Variants in KLF12 observed in about 807,000 individuals in gnomAD.
KLF12 encodes Krueppel-like factor 12.
In KLF12, 9 loss-of-function variants were observed where a neutral mutation model predicts 37.8. The ratio of observed to expected loss-of-function variants is 0.24; its 90% CI spans 0.14 to 0.42. The LOEUF is 0.42. KLF12 is among the 10% of genes least tolerant of loss of function. The probability of loss-of-function intolerance (pLI) is 1.00; values close to 1 mark genes in which losing one functional copy is unlikely to be tolerated. For missense variants in KLF12, 411 were observed against 516.0 expected (o/e 0.80, Z 1.97); for synonymous variants, 208 against 202.1 (o/e 1.03, Z -0.25).
intron 1 of KLF12, among the ~76,000 whole-genome samples, chr13:74,015,643 T>A (rs751064659): frequency 4.6e-5 from 7 of 152,140 alleles, no homozygotes; most frequent in Non-Finnish European, 8.8e-5. Flanking sequence ...GGCATAGCAA[T>A]CTCTCCAACA....
the KLF12 span, among the ~76,000 whole-genome samples, chr13:74,227,490 T>G: frequency 6.6e-6 from 1 of 152,188 alleles, no homozygotes; most frequent in Non-Finnish European, 1.5e-5. Flanking sequence ...TCCTCTTTAA[T>G]ATTGTAAAGT....
chr13:74,141,234 T>C, the KLF12 span, among the ~76,000 whole-genome samples: 13 of 152,238 alleles, frequency 8.5e-5, no homozygotes, highest in Non-Finnish European at 1.8e-4. Flanking sequence ...GAAAAGAGAA[T>C]GGGAAACGAT....
At chr13:74,272,738 A>G in the KLF12 span, among the ~76,000 whole-genome samples, 1 of 152,176 alleles carries the variant, frequency 6.6e-6, no homozygotes, top group East Asian at 1.9e-4. Flanking sequence ...ACTTAGAAGA[A>G]GGCTATGTGT....
At chr13:74,039,663 C>CTTCTGGAAATTTATTT in intron 1 of KLF12, among the ~76,000 whole-genome samples, 1 of 152,040 alleles carries the variant, frequency 6.6e-6, no homozygotes, top group East Asian at 1.9e-4. Flanking sequence ...ACAAAATGGA[C>CTTCTGGAAATTTATTT]AGTACTTCTG....
chr13:73,881,847 A>G (rs1383723695), intron 3 of KLF12, among the ~76,000 whole-genome samples: 1 of 152,062 alleles, frequency 6.6e-6, no homozygotes, highest in African/African-American at 2.4e-5. Context: ...CTCTTCCTCA[A>G]TTTTTTACTT....
intron 1 of KLF12, among the ~76,000 whole-genome samples, chr13:74,016,631 G>A (rs1892694296): frequency 6.6e-6 from 1 of 152,152 alleles, no homozygotes; most frequent in Non-Finnish European, 1.5e-5. Flanking sequence ...CCACAGTGCT[G>A]GGATTACAGG....
chr13:73,829,667 G>T (rs908129135), intron 4 of KLF12, among the ~76,000 whole-genome samples: 8 of 151,954 alleles, frequency 5.3e-5, no homozygotes, highest in African/African-American at 1.7e-4. Flanking sequence ...AATATGCAAG[G>T]CCTCTGCAAA....
At chr13:73,947,789 G>T (rs190280659) in intron 2 of KLF12, among the ~76,000 whole-genome samples, 8 of 152,104 alleles carry the variant, frequency 5.3e-5, no homozygotes, top group Admixed American at 4.6e-4. Context: ...CAAGGAAACG[G>T]ACTGATCTTC....
chr13:74,111,640 C>T (rs749492379), intron 1 of KLF12, among the ~76,000 whole-genome samples: 2 of 152,060 alleles, frequency 1.3e-5, no homozygotes, highest in Non-Finnish European at 2.9e-5. Flanking sequence ...TAATCATTCA[C>T]CCTAAAGAAC....
intron 2 of KLF12, among the ~76,000 whole-genome samples, chr13:73,978,310 A>T (rs932424947): frequency 3.3e-5 from 5 of 152,238 alleles, no homozygotes; most frequent in African/African-American, 9.6e-5. Context: ...ACCTTAACAG[A>T]GACCTCACTG....
intron 1 of KLF12, among the ~76,000 whole-genome samples, chr13:74,105,796 T>G (rs912660): frequency 2.5e-3 from 375 of 152,276 alleles, no homozygotes; most frequent in African/African-American, 8.5e-3. Context: ...AAAATTAATA[T>G]GTACTATGCC....
intron 5 of KLF12, chr13:73,812,934 G>T: frequency 2.0e-6 from 1 of 488,066 alleles, no homozygotes; most frequent in Non-Finnish European, 3.6e-6. Context: ...GATGCACATA[G>T]GTCTTATATC....
intron 3 of KLF12, among the ~76,000 whole-genome samples, chr13:73,929,595 T>C (rs1254550292): frequency 6.6e-6 from 1 of 152,126 alleles, no homozygotes; most frequent in African/African-American, 2.4e-5. Context: ...TTTTCAAATA[T>C]CAGCTCAGAA....
intron 5 of KLF12, among the ~76,000 whole-genome samples, chr13:73,812,411 G>T (rs9543465): frequency 0.38 from 57,053 of 150,990 alleles, 11,236 homozygotes; most frequent in Middle Eastern, 0.45. Context: ...TGTAAGGTGA[G>T]GAATGTATTA....
chr13:73,990,301 T>C (rs556519528), intron 2 of KLF12, among the ~76,000 whole-genome samples: 1 of 151,972 alleles, frequency 6.6e-6, no homozygotes, highest in South Asian at 2.1e-4. Flanking sequence ...CAAGAAAAAA[T>C]GGAACAGAAT....
chr13:74,209,290 T>C, the KLF12 span, among the ~76,000 whole-genome samples: 1 of 152,090 alleles, frequency 6.6e-6, no homozygotes, highest in African/African-American at 2.4e-5. Flanking sequence ...GAGGCTAACT[T>C]TGAGGGCCAA....
chr13:73,759,893 G>T (rs1297426201), intron 6 of KLF12, among the ~76,000 whole-genome samples: 2 of 152,072 alleles, frequency 1.3e-5, no homozygotes, highest in East Asian at 3.9e-4. Context: ...GCCTTCCTCT[G>T]TTAAGGAAAA....
At chr13:74,065,381 CA>C (rs1262935770) in intron 1 of KLF12, among the ~76,000 whole-genome samples, 1 of 152,110 alleles carries the variant, frequency 6.6e-6, no homozygotes, top group Non-Finnish European at 1.5e-5. Flanking sequence ...GTGAGCCAGA[CA>C]CTTGTGTAAC....
chr13:73,954,566 T>C (rs1890768950), intron 2 of KLF12, among the ~76,000 whole-genome samples: 1 of 152,096 alleles, frequency 6.6e-6, no homozygotes. Context: ...AAAAGATTAT[T>C]TCAATACTAA....
Sources: allele counts gnomAD v4.1 joint callset (sites outside exome capture counted in the v4.1 genomes callset), GRCh38; gene constraint gnomAD v4.1.1; transcripts MANE v1.5; gene names NCBI Gene and HGNC (gene_info 2026-07-23, HGNC 2026-07-21).